GLCCI1: variants seen among roughly 807,000 people sequenced by gnomAD.
The protein encoded by GLCCI1 is glucocorticoid-induced transcript 1 protein.
In GLCCI1, 24 loss-of-function variants were observed where a neutral mutation model predicts 52.2. The ratio of observed to expected loss-of-function variants is 0.46; its 90% CI spans 0.33 to 0.65. The LOEUF (loss-of-function observed/expected upper bound fraction) is 0.65, where lower values mean the gene tolerates loss of function less well. Among genes scored for constraint, GLCCI1 ranks in the 30% least tolerant of loss-of-function variants. GLCCI1 has a pLI of 0.02. For missense variants in GLCCI1, 704 were observed against 701.5 expected, an observed-to-expected ratio of 1.00 and a Z score of -0.04; for synonymous variants, 310 against 276.5, an observed-to-expected ratio of 1.12 and a Z score of -1.20.
chr7:8,010,354 A>G (rs1781240265), intron 2 of GLCCI1, among the ~76,000 whole-genome samples: 1 of 152,324 alleles, frequency 6.6e-6, no homozygotes, highest in Admixed American at 6.5e-5. Context: ...TAATAAAATG[A>G]TGGATTTAAT....
chr7:8,055,346 A>G, intron 3 of GLCCI1, 87 bp from the exon 4 acceptor site: 3 of 699,926 alleles, frequency 4.3e-6, no homozygotes, highest in Non-Finnish European at 7.1e-6. Flanking sequence ...AAATGTTTTA[A>G]TCAGTACCCC....
intron 1 of GLCCI1, among the ~76,000 whole-genome samples, chr7:7,995,347 A>G (rs964899755): frequency 2.0e-5 from 3 of 152,084 alleles, no homozygotes; most frequent in Admixed American, 2.0e-4. Flanking sequence ...CGTCCTCTAC[A>G]AAAAATACAA....
At chr7:8,085,747 CA>C (rs1783092802) in intron 7 of GLCCI1, among the ~76,000 whole-genome samples, 1 of 152,126 alleles carries the variant, frequency 6.6e-6, no homozygotes, top group African/African-American at 2.4e-5. Flanking sequence ...CTCCCCTCCC[CA>C]CTCCACCCCC....
At chr7:8,011,361 T>A (rs977280104) in intron 2 of GLCCI1, among the ~76,000 whole-genome samples, 1 of 152,172 alleles carries the variant, frequency 6.6e-6, no homozygotes, top group Non-Finnish European at 1.5e-5. Flanking sequence ...TCTCTGTGAA[T>A]ATACTCTAGG....
chr7:8,055,393 C>A, intron 3 of GLCCI1, 40 bp from the exon 4 acceptor site: 1 of 1,313,914 alleles, frequency 7.6e-7, no homozygotes, highest in Non-Finnish European at 1.1e-6. Context: ...TTGGTATTCA[C>A]TTTTATTCTC....
intron 4 of GLCCI1, among the ~76,000 whole-genome samples, chr7:8,059,670 C>T (rs928457671): frequency 2.6e-5 from 4 of 152,108 alleles, no homozygotes; most frequent in African/African-American, 4.8e-5. Flanking sequence ...AATACTAGAA[C>T]GTAATTGTCA....
At chr7:8,081,957 CAT>C (rs1783004374) in intron 6 of GLCCI1, among the ~76,000 whole-genome samples, 1 of 152,044 alleles carries the variant, frequency 6.6e-6, no homozygotes, top group South Asian at 2.1e-4. Context: ...TGTTAAAAGT[CAT>C]AAAGTAACAT....
rs35255634 is a variant in GLCCI1 at position 7,976,479 on chromosome 7, C to CAAAAAAAAAAAAAAAA, written c.457+6676_457+6691dup. Among the ~76,000 whole-genome samples the CAAAAAAAAAAAAAAAA allele has an allele frequency of 4.6e-3, 113 of 24,638 alleles. 11 individuals carry two copies. Among genetic ancestry groups the CAAAAAAAAAAAAAAAA allele is most frequent in the African/African-American group, 9.0e-3 (45 of 5,014 alleles). The allele number at this position is 24,638 out of a possible 152,430, so 16.2% of individuals were successfully genotyped here. A position where few individuals can be genotyped will look rare whatever the true frequency, so the allele number is the denominator to read the frequency against. ...GGGCAACAAGAGTGAAACTCCATCT[C>CAAAAAAAAAAAAAAAA]AAAAAAAAAAAAAAAAAAAGGAAAG... On this transcript the variant is annotated intron_variant, in intron 1 of 7. Transcript: ENST00000223145.
At position 8,036,950 on chromosome 7, in the gene GLCCI1, G is replaced by A. The variant is rs559686210; in HGVS notation, c.696+14381G>A. Among the ~76,000 whole-genome samples the A allele has an allele frequency of 8.0e-4, 121 of 152,158 alleles. 2 individuals are homozygous for A. The highest frequency in any genetic ancestry group is 2.1e-3 in the Admixed American group (32 of 15,296). On this transcript the variant is annotated intron_variant, in intron 3 of 7. Transcript: ENST00000223145. ...GAGAAGGTTTCTTCCTGAGGGAGAA[G>A]AAAAAGAAAAAAGTTTGGAAAACCT...
At chr7:7,998,578 G>A (rs150592630) in intron 1 of GLCCI1, among the ~76,000 whole-genome samples, 5 of 152,264 alleles carry the variant, frequency 3.3e-5, no homozygotes, top group African/African-American at 4.8e-5. Context: ...CCTTGTTTGC[G>A]TGGTTGGGTC....
intron 3 of GLCCI1, among the ~76,000 whole-genome samples, chr7:8,027,712 A>T (rs10228900): frequency 0.42 from 63,269 of 151,532 alleles, 13,472 homozygotes; most frequent in Middle Eastern, 0.52. Flanking sequence ...CCAATGATCT[A>T]TTGCCTACAA....
At chr7:8,054,079 T>C (rs1782329861) in intron 3 of GLCCI1, among the ~76,000 whole-genome samples, 1 of 152,200 alleles carries the variant, frequency 6.6e-6, no homozygotes, top group Non-Finnish European at 1.5e-5. Flanking sequence ...GTACAGATTA[T>C]ATTATTAATC....
intron 7 of GLCCI1, among the ~76,000 whole-genome samples, chr7:8,085,543 G>T (rs948867904): frequency 6.6e-6 from 1 of 152,238 alleles, no homozygotes; most frequent in South Asian, 2.1e-4. Context: ...TAGCTCAGAA[G>T]AAGACTGTGG....
rs750171390 is a variant in GLCCI1, at chr7:7,969,402, C to G, written c.52C>G (p.Pro18Ala). Residue 18 changes from proline to alanine, a missense_variant, in exon 1 of 8, where the codon CCC (proline) becomes GCC (alanine). This residue lies in a region of GLCCI1 where 547 missense variants were observed against 524.8 expected (regional missense o/e 1.04). Coordinates refer to ENST00000223145, the MANE Select transcript of GLCCI1 (RefSeq NM_138426.4). This position sits in a 1 kb window ranked among gnomAD's most constrained non-coding sequence, Gnocchi z 4.9. ...SSSSSSQTPH[P>A]PSQRMRRSAA... ...CTCCAGTTCCTCTCAGACCCCTCATCCCCCGTCGCAGAGGATGAGGCGCAG... is the reference window on the plus strand; with the variant it reads ...CTCCAGTTCCTCTCAGACCCCTCATGCCCCGTCGCAGAGGATGAGGCGCAG... 2.8e-6 allele frequency: 4 copies of G among 1,426,914 alleles called. No individual in the cohort carries two copies. Among genetic ancestry groups the G allele is most frequent in the Non-Finnish European group, 2.8e-6 (3 of 1,086,792 alleles). 88.4% of individuals were successfully genotyped at this position (1,426,914 alleles called of 1,614,324 possible).
intron 5 of GLCCI1, among the ~76,000 whole-genome samples, chr7:8,065,709 T>A (rs1782617208): frequency 6.6e-6 from 1 of 152,246 alleles, no homozygotes; most frequent in Non-Finnish European, 1.5e-5. Context: ...TTTATTGATA[T>A]GCATATGTTG....
At chr7:8,050,507 A>T (rs1019966812) in intron 3 of GLCCI1, among the ~76,000 whole-genome samples, 1 of 152,212 alleles carries the variant, frequency 6.6e-6, no homozygotes, top group Non-Finnish European at 1.5e-5. Flanking sequence ...TGATCTTTAT[A>T]AACATTAAAG....
chr7:8,014,300 T>G (rs1170861099), intron 2 of GLCCI1, among the ~76,000 whole-genome samples: 1 of 152,182 alleles, frequency 6.6e-6, no homozygotes, highest in Non-Finnish European at 1.5e-5. Context: ...CCCGGCTGCC[T>G]TGGCCTCTTT....
chr7:8,044,592 A>G (rs1266204512), intron 3 of GLCCI1, among the ~76,000 whole-genome samples: 2 of 152,078 alleles, frequency 1.3e-5, no homozygotes, highest in Non-Finnish European at 2.9e-5. Context: ...GCTGGTCTCA[A>G]TCTCCTGGGC....
At chr7:7,993,331 C>T (rs1350069928) in intron 1 of GLCCI1, among the ~76,000 whole-genome samples, 3 of 152,112 alleles carry the variant, frequency 2.0e-5, no homozygotes, top group African/African-American at 4.8e-5. Flanking sequence ...CTCCGTTGTC[C>T]AACTTTTTCT....
Sources: gnomAD v4.1 joint callset for allele counts (sites outside exome capture counted in the v4.1 genomes callset) on GRCh38, gnomAD v4.1.1 for gene constraint, gnomAD v4.1.1 regional missense constraint, Gnocchi (gnomAD v3.1) non-coding constraint, MANE v1.5 for transcripts, NCBI Gene and HGNC (gene_info 2026-07-23, HGNC 2026-07-21) for gene names.